MICALL2: variants seen among roughly 807,000 people sequenced by gnomAD.
The protein encoded by MICALL2 is MICAL-like protein 2.
In MICALL2, 111 loss-of-function variants were observed where a neutral mutation model predicts 91.1. The ratio of observed to expected loss-of-function variants is 1.22; its 90% CI spans 1.04 to 1.43. The LOEUF (loss-of-function observed/expected upper bound fraction) is 1.43, where lower values mean the gene tolerates loss of function less well. MICALL2 is among the 40% of genes most tolerant of loss of function. The probability of loss-of-function intolerance (pLI) is 0.00; values close to 1 mark genes in which losing one functional copy is unlikely to be tolerated. For synonymous variants in MICALL2, 694 were observed against 525.3 expected (o/e 1.32, Z -4.39); for missense variants, 1,556 against 1,236.0 (o/e 1.26, Z -3.88).
At chr7:1,435,001 C>CCCCCCCCGGG in intron 16 of MICALL2, 100 bp downstream of exon 16, 4 of 732,138 alleles carry the variant, frequency 5.5e-6, no homozygotes, top group South Asian at 3.7e-5. Context: ...CCCCCACCCC[C>CCCCCCCCGGG]AGCTGGAGGC....
At chr7:1,441,941 T>A in intron 7 of MICALL2, 1 of 557,424 alleles carries the variant, frequency 1.8e-6, no homozygotes, top group African/African-American at 1.9e-5. Context: ...TGCAGGCACC[T>A]GCAGGACGTG....
At chr7:1,437,457 A>G (rs940005558) in intron 14 of MICALL2, 78 bp downstream of exon 14, 5 of 1,337,250 alleles carry the variant, frequency 3.7e-6, no homozygotes, top group Non-Finnish European at 5.0e-6. Flanking sequence ...AGGTGGCCTC[A>G]CAGAGCCGGC....
In MICALL2 at chr7:1,442,448, C is replaced by G. The variant is rs537649476; in HGVS notation, c.1455G>C (p.Gln485His). Residue 485 changes from glutamine (Q) to histidine (H), a missense_variant, in exon 7 of 17, where the codon CAG becomes CAC. Gln to His is a conservative substitution (Grantham distance 24). Coordinates refer to ENST00000297508, the MANE Select transcript of MICALL2 (RefSeq NM_182924.4). ...SPATAAVPSSQPKTEAPQASP... is the reference protein window; with the variant it reads ...SPATAAVPSSHPKTEAPQASP... The stretch of plus-strand genomic sequence containing the variant: ...TTGCTTGTGGTGCTTCAGTTTTGGG[C>G]TGAGAACTGGGAACAGCGGCAGTGG... The G allele has an allele frequency of 4.8e-5, 75 of 1,552,634 alleles. 1 individual carries two copies. The South Asian group carries it at 9.0e-4, about 19-fold the overall frequency.
chr7:1,437,768 C>G, intron 13 of MICALL2, 122 bp downstream of exon 13: 1 of 1,239,926 alleles, frequency 8.1e-7, no homozygotes. Context: ...GCAACGAGGT[C>G]CTGGACCTGC....
At position 1,434,508 on chromosome 7, in the gene MICALL2, G is replaced by T; in HGVS notation, c.*88C>A. On this transcript the variant is annotated 3_prime_UTR_variant, in exon 17 of 17. Transcript: ENST00000297508. ...GCCGAGCCCACGGCCCCGAGTACAA[G>T]TCCGGGTTCCGGGTCCGGGCCAAGC... 8.3e-7 allele frequency: 1 copy of T among 1,210,384 alleles called. No individual in the cohort carries two copies. The highest frequency in any genetic ancestry group is 1.2e-6 in the Non-Finnish European group (1 of 814,838). The allele number at this position is 1,210,384 out of a possible 1,614,324, so 75.0% of individuals were successfully genotyped here.
Position 1,438,133 on chromosome 7 carries a change from C to A in MICALL2, c.2275G>T (p.Val759Leu), listed in dbSNP as rs200579488. ...RRLDALELRG[V>L]ELEKRLRAAE... is the part of the protein sequence containing the mutation. ...GCCCGCAGTCGCTTCTCCAGCTCCACGCCGCGGAGCTCCAGGGCGTCCAGC... is the reference window on the plus strand; with the variant it reads ...GCCCGCAGTCGCTTCTCCAGCTCCAAGCCGCGGAGCTCCAGGGCGTCCAGC... Residue 759 changes from valine to leucine, a missense_variant, in exon 12 of 17, where the codon GTG becomes TTG. By Grantham distance (32) the Val-to-Leu change is conservative. Transcript: ENST00000297508. The A allele has an allele frequency of 1.3e-6, 2 of 1,561,434 alleles. No homozygotes were observed. Among genetic ancestry groups the A allele is most frequent in the African/African-American group, 1.4e-5 (1 of 73,812 alleles).
intron 13 of MICALL2, 118 bp from the exon 14 acceptor site, chr7:1,437,726 G>T: frequency 7.8e-7 from 1 of 1,278,534 alleles, no homozygotes; most frequent in Non-Finnish European, 1.1e-6. Flanking sequence ...GGCCTGACTC[G>T]CCGCCCGTCC....
chr7:1,442,310 C>A lies in MICALL2; in HGVS notation c.1593G>T (p.Leu531Phe). 1 of 1,613,188 alleles carries A rather than the reference C, an allele frequency of 6.2e-7. No individual in the cohort carries two copies. Among genetic ancestry groups the A allele is most frequent in the Non-Finnish European group, 8.5e-7 (1 of 1,179,934 alleles). ...STSSTSQASALPPAGRRNLAE... is the reference protein window; with the variant it reads ...STSSTSQASAFPPAGRRNLAE... The stretch of plus-strand genomic sequence containing the variant: ...CCAAGTTCCTCCTGCCTGCCGGGGG[C>A]AACGCGGATGCCTGAGAGGTACTGC... The change falls in exon 7 of 17, where the codon TTG (leucine) becomes TTT (phenylalanine). Residue 531 changes from leucine (L) to phenylalanine (F), a missense_variant. Leu to Phe is a conservative substitution (Grantham distance 22). Transcript: ENST00000297508.
chr7:1,444,068 C>T (rs1431400677), intron 6 of MICALL2, among the ~76,000 whole-genome samples: 3 of 119,714 alleles, frequency 2.5e-5, no homozygotes, highest in Non-Finnish European at 3.6e-5. Context: ...GTCCCGCTCG[C>T]GACCTGTCCC....
intron 7 of MICALL2, chr7:1,441,894 G>A: frequency 2.3e-6 from 1 of 440,378 alleles, no homozygotes; most frequent in Non-Finnish European, 4.1e-6. Context: ...GGATGTAACT[G>A]CCAGACCGAG....
In MICALL2 at chr7:1,452,730, G is replaced by C. The variant is rs1780879594; in HGVS notation, c.144-2442C>G. On this transcript the variant is annotated intron_variant, in intron 1 of 16. Coordinates refer to ENST00000297508, the MANE Select transcript of MICALL2 (RefSeq NM_182924.4). The surrounding 1 kb of genome is among the most constrained non-coding windows in gnomAD (Gnocchi z 6.2). ...AGATCAGAGCACCCCAGGCCCTCTG[G>C]ACACACCAGAGCCAGTGCCCACACG... Among the ~76,000 whole-genome samples, 1 of 152,100 alleles carries C rather than the reference G, an allele frequency of 6.6e-6. No homozygotes were observed. The highest frequency in any genetic ancestry group is 1.5e-5 in the Non-Finnish European group (1 of 68,004).
In MICALL2 at chr7:1,434,486, G is replaced by T; in HGVS notation, c.*110C>A. ...CAAGTCCGAATGCCGGGTCCGGGCC[G>T]AGCCCACGGCCCCGAGTACAAGTCC... On this transcript the variant is annotated 3_prime_UTR_variant, in exon 17 of 17. Coordinates refer to ENST00000297508, the MANE Select transcript of MICALL2 (RefSeq NM_182924.4). The T allele has an allele frequency of 1.0e-6, 1 of 984,112 alleles. No individual in the cohort carries two copies. Among genetic ancestry groups the T allele is most frequent in the Non-Finnish European group, 1.6e-6 (1 of 614,712 alleles). 61.0% of individuals were successfully genotyped at this position (984,112 alleles called of 1,614,324 possible).
At chr7:1,444,262 G>A (rs28403420) in intron 6 of MICALL2, among the ~76,000 whole-genome samples, 2,288 of 67,986 alleles carry the variant, frequency 0.034, 47 homozygotes, top group African/African-American at 0.12. Flanking sequence ...CCCGCTCGCG[G>A]CCTGTCCCCG....
At position 1,444,715 on chromosome 7, in the gene MICALL2, G is replaced by A. The variant is rs754161583; in HGVS notation, c.1355C>T (p.Ala452Val). The change falls in exon 6 of 17, where the codon GCG becomes GTG. Residue 452 changes from alanine to valine, a missense_variant. By Grantham distance (64) the Ala-to-Val change is moderately conservative. Transcript: ENST00000297508. ...GAGGGCCTGCTTGAGGAAGTTCCGC[G>A]CCTGCTCCTTGCTGCTGTCCTTGGA... is the stretch of plus-strand genomic sequence containing the variant. ...VLSKDSSKEQARNFLKQALSA... is the reference protein window; with the variant it reads ...VLSKDSSKEQVRNFLKQALSA... The A allele has an allele frequency of 2.2e-5, 35 of 1,612,236 alleles. No homozygotes were observed. The South Asian group carries it at 2.6e-4, about 12-fold the overall frequency.
chr7:1,442,304 C>T lies in MICALL2; in HGVS notation c.1599G>A (p.Pro533=), dbSNP rs372454683. 67 of 1,612,994 alleles carry T rather than the reference C, an allele frequency of 4.2e-5. No homozygotes were observed. Among genetic ancestry groups the T allele is most frequent in the Admixed American group, 1.5e-4 (9 of 59,988 alleles). The change falls in exon 7 of 17, where the codon CCG becomes CCA. Residue 533 remains proline, a synonymous_variant. Coordinates refer to ENST00000297508, the MANE Select transcript of MICALL2 (RefSeq NM_182924.4). ...SSTSQASALP[P]AGRRNLAESS... ...ATTCCGCCAAGTTCCTCCTGCCTGC[C>T]GGGGGCAACGCGGATGCCTGAGAGG...
intron 6 of MICALL2, 64 bp from the exon 7 acceptor site, chr7:1,442,548 G>C (rs1025674322): frequency 1.4e-6 from 2 of 1,466,600 alleles, no homozygotes; most frequent in East Asian, 2.3e-5. Context: ...CATCACCCGA[G>C]GCCGCCCCTC....
chr7:1,457,769 G>A (rs1260915070), intron 1 of MICALL2, among the ~76,000 whole-genome samples: 1 of 152,224 alleles, frequency 6.6e-6, no homozygotes, highest in Non-Finnish European at 1.5e-5. Context: ...CGGTGGCAAC[G>A]CCTCTCCCCA....
rs748660004 is a variant in MICALL2 at position 1,445,035 on chromosome 7, C to A, written c.1035G>T (p.Pro345=). Reference sequence around the variant, plus strand: ...ACGGGGCAGCTGACGACCAGCCCATCGGGGAGCTATTGGTCACACGAGGGC... The same window carrying A: ...ACGGGGCAGCTGACGACCAGCCCATAGGGGAGCTATTGGTCACACGAGGGC... ...KVRPRVTNSS[P]MGWSSAAPCT... is the part of the protein sequence containing the mutation. Residue 345 remains proline, a synonymous_variant, in exon 6 of 17, where the codon CCG becomes CCT. Transcript: ENST00000297508. 2.0e-6 allele frequency: 3 copies of A among 1,534,700 alleles called. No individual in the cohort carries two copies. The highest frequency in any genetic ancestry group is 2.4e-5 in the East Asian group (1 of 40,930).
At chr7:1,448,562 C>T in intron 3 of MICALL2, 58 bp downstream of exon 3, 3 of 1,603,666 alleles carry the variant, frequency 1.9e-6, no homozygotes, top group African/African-American at 2.7e-5. Flanking sequence ...GCCTGGGAGC[C>T]AGGCCAAGGA....
Sources: gnomAD v4.1 joint callset for allele counts (sites outside exome capture counted in the v4.1 genomes callset) on GRCh38, gnomAD v4.1.1 for gene constraint, Gnocchi (gnomAD v3.1) non-coding constraint, MANE v1.5 for transcripts, NCBI Gene and HGNC (gene_info 2026-07-23, HGNC 2026-07-21) for gene names.